The following CACNG2 variants were observed in gnomAD, a reference collection of about 807,000 sequenced individuals.
CACNG2 encodes calcium voltage-gated channel auxiliary subunit gamma 2.
CACNG2 carries 3 observed loss-of-function variants against 25.9 expected under a neutral mutation model. The observed-to-expected ratio is 0.12, with a 90% confidence interval of 0.05 to 0.30. The LOEUF (loss-of-function observed/expected upper bound fraction) is 0.30, where lower values mean the gene tolerates loss of function less well. Among genes scored for constraint, CACNG2 ranks in the 10% least tolerant of loss-of-function variants. The probability of loss-of-function intolerance (pLI) is 1.00; values close to 1 mark genes in which losing one functional copy is unlikely to be tolerated. For synonymous variants in CACNG2, 167 were observed against 173.3 expected, an observed-to-expected ratio of 0.96 and a Z score of 0.29; for missense variants, 341 against 432.5, an observed-to-expected ratio of 0.79 and a Z score of 1.88.
At chr22:36,665,306 G>A (rs1936860949) in intron 1 of CACNG2, among the ~76,000 whole-genome samples, 1 of 152,200 alleles carries the variant, frequency 6.6e-6, no homozygotes, top group Admixed American at 6.5e-5. Context: ...ACCCTGGGCA[G>A]TTTACTTAAC....
chr22:36,645,669 A>G (rs1159193689), intron 1 of CACNG2, among the ~76,000 whole-genome samples: 2 of 152,194 alleles, frequency 1.3e-5, no homozygotes, highest in African/African-American at 4.8e-5. Context: ...CTTGACGGCA[A>G]TGGATAATGC....
At chr22:36,622,959 A>G (rs1488102709) in intron 1 of CACNG2, among the ~76,000 whole-genome samples, 2 of 142,730 alleles carry the variant, frequency 1.4e-5, no homozygotes, top group East Asian at 4.1e-4. Flanking sequence ...AACTCCGTTT[A>G]AAAAAAAAAA....
intron 2 of CACNG2, among the ~76,000 whole-genome samples, chr22:36,580,906 C>T (rs568260700): frequency 6.6e-6 from 1 of 152,262 alleles, no homozygotes; most frequent in East Asian, 1.9e-4. Context: ...TGCAAACACA[C>T]AAGCGCTTAC....
At position 36,682,926 on chromosome 22, in the gene CACNG2, C is replaced by CT. The variant is rs201276962; in HGVS notation, c.211+19439dup. Reference sequence around the variant, plus strand: ...TTTCCTTCATTTAAAAAAAATCTTCCTTTTTTTTTCTCTCAGGCCATCTGT... The same window carrying CT: ...TTTCCTTCATTTAAAAAAAATCTTCCTTTTTTTTTTCTCTCAGGCCATCTGT... On this transcript the variant is annotated intron_variant, in intron 1 of 3. Transcript: ENST00000300105. 4.6e-3 allele frequency among the ~76,000 whole-genome samples: 693 copies of CT among 151,674 alleles called. 5 individuals carry two copies. The highest frequency in any genetic ancestry group is 0.016 in the African/African-American group (649 of 41,392).
At chr22:36,620,898 T>C (rs912784192) in intron 1 of CACNG2, among the ~76,000 whole-genome samples, 1 of 152,366 alleles carries the variant, frequency 6.6e-6, no homozygotes, top group African/African-American at 2.4e-5. Context: ...TTGCACTTCC[T>C]CTGGGAAGCC....
At chr22:36,663,193 C>T (rs545986591) in intron 1 of CACNG2, among the ~76,000 whole-genome samples, 59 of 152,212 alleles carry the variant, frequency 3.9e-4, no homozygotes, top group African/African-American at 1.4e-3. Context: ...TGGTCCGGTG[C>T]CTGGCATGGA....
chr22:36,664,696 A>T (rs920374845), intron 1 of CACNG2, among the ~76,000 whole-genome samples: 4 of 152,240 alleles, frequency 2.6e-5, no homozygotes, highest in Non-Finnish European at 5.9e-5. Flanking sequence ...GGGAGGAAGC[A>T]TCTAGCTGAA....
At chr22:36,621,285 A>C (rs1936099762) in intron 1 of CACNG2, among the ~76,000 whole-genome samples, 1 of 152,238 alleles carries the variant, frequency 6.6e-6, no homozygotes, top group Non-Finnish European at 1.5e-5. Context: ...AGGCGGGCGA[A>C]TCACCTGAGG....
chr22:36,689,042 G>A (rs1005807503), intron 1 of CACNG2, among the ~76,000 whole-genome samples: 2 of 151,958 alleles, frequency 1.3e-5, no homozygotes, highest in South Asian at 2.1e-4. Flanking sequence ...ACTCTTATTC[G>A]TCCTGCAGAA....
At chr22:36,602,633 G>A (rs1446244591) in intron 1 of CACNG2, among the ~76,000 whole-genome samples, 1 of 152,174 alleles carries the variant, frequency 6.6e-6, no homozygotes. Context: ...TGATCCGCCT[G>A]CCTCAGCCTT....
chr22:36,585,403 AACTTCG>A (rs1935485225), intron 2 of CACNG2: 1 of 152,162 alleles, frequency 6.6e-6, no homozygotes, highest in Admixed American at 6.5e-5. Context: ...TCTAGGTTAG[AACTTCG>A]TAGAGAATGA....
At chr22:36,604,014 A>C (rs1935795828) in intron 1 of CACNG2, among the ~76,000 whole-genome samples, 1 of 152,222 alleles carries the variant, frequency 6.6e-6, no homozygotes, top group Non-Finnish European at 1.5e-5. Context: ...AAAGTAAATA[A>C]AAAAATCTTC....
At position 36,564,280 on chromosome 22, in the gene CACNG2, G is replaced by T. The variant is rs1395707218; in HGVS notation, c.*71C>A. The T allele has an allele frequency of 7.0e-7, 1 of 1,435,930 alleles. No individual in the cohort carries two copies. Among genetic ancestry groups the T allele is most frequent in the African/African-American group, 1.4e-5 (1 of 70,240 alleles). The allele number at this position is 1,435,930 out of a possible 1,614,324, so 88.9% of individuals were successfully genotyped here. ...GAAGGTCTCCCAGCGGAGGGTCTGGGTCTCCCCGCCCCGCCCCGCCCCCGG... is the reference window on the plus strand; with the variant it reads ...GAAGGTCTCCCAGCGGAGGGTCTGGTTCTCCCCGCCCCGCCCCGCCCCCGG... On this transcript the variant is annotated 3_prime_UTR_variant, in exon 4 of 4. Transcript: ENST00000300105. The surrounding 1 kb of genome is among the most constrained non-coding windows in gnomAD (Gnocchi z 6.7).
intron 1 of CACNG2, among the ~76,000 whole-genome samples, chr22:36,678,286 A>C (rs1430502569): frequency 1.3e-5 from 2 of 152,178 alleles, no homozygotes; most frequent in Non-Finnish European, 2.9e-5. Context: ...GGAGGAGGAA[A>C]GCCTATTTTC....
chr22:36,657,198 G>A lies in CACNG2; in HGVS notation c.211+45168C>T, dbSNP rs376447573. On this transcript the variant is annotated intron_variant, in intron 1 of 3. Transcript: ENST00000300105. ...ATGGATGAGATGTCTGCATCTTAAT[G>A]GTTGATAATTAACATTGACTTTTTG... Among the ~76,000 whole-genome samples the A allele has an allele frequency of 6.6e-5, 10 of 152,346 alleles. 1 individual carries two copies. The highest frequency in any genetic ancestry group is 6.2e-4 in the South Asian group (3 of 4,826).
chr22:36,583,802 G>A (rs1238326110), intron 2 of CACNG2, among the ~76,000 whole-genome samples: 1 of 151,998 alleles, frequency 6.6e-6, no homozygotes. Flanking sequence ...GTCTAAATCG[G>A]TCATTCCCAT....
intron 1 of CACNG2, among the ~76,000 whole-genome samples, chr22:36,678,626 T>G: frequency 7.3e-6 from 1 of 136,994 alleles, no homozygotes; most frequent in African/African-American, 2.8e-5. Flanking sequence ...TGCGATAACA[T>G]TCCCCCTACA....
chr22:36,700,960 C>T (rs536606626), intron 1 of CACNG2, among the ~76,000 whole-genome samples: 201 of 152,158 alleles, frequency 1.3e-3, no homozygotes, highest in Admixed American at 2.4e-3. Flanking sequence ...GATTTGTGCT[C>T]TTTCCCAGAT....
chr22:36,667,423 C>T (rs1487920973), intron 1 of CACNG2, among the ~76,000 whole-genome samples: 1 of 152,212 alleles, frequency 6.6e-6, no homozygotes, highest in East Asian at 1.9e-4. Context: ...GTTCAGCCCA[C>T]TGGACAGTGA....
Sources: allele counts gnomAD v4.1 joint callset (sites outside exome capture counted in the v4.1 genomes callset), GRCh38; gene constraint gnomAD v4.1.1; non-coding constraint Gnocchi (gnomAD v3.1); transcripts MANE v1.5; gene names NCBI Gene and HGNC (gene_info 2026-07-23, HGNC 2026-07-21).